The following GABRB2 variants were observed in gnomAD, a reference collection of about 807,000 sequenced individuals.
GABRB2 encodes the protein gamma-aminobutyric acid type A receptor subunit beta2, also known as gamma-aminobutyric acid receptor subunit beta-2.
A neutral mutation model predicts 54.7 loss-of-function variants in GABRB2; 16 were observed. That is an observed-to-expected ratio of 0.29 (90% confidence interval 0.20 to 0.44). GABRB2 has a LOEUF of 0.44. Among genes scored for constraint, GABRB2 ranks in the 20% least tolerant of loss-of-function variants. The pLI is 1.00. For missense variants in GABRB2, 355 were observed against 644.0 expected (o/e 0.55, Z 4.86); for synonymous variants, 244 against 233.8 (o/e 1.04, Z -0.40).
intron 5 of GABRB2, among the ~76,000 whole-genome samples, chr5:161,386,824 CAAAA>C (rs55916255): frequency 1.5e-5 from 2 of 137,054 alleles, no homozygotes; most frequent in African/African-American, 2.7e-5. Context: ...TGTGCCCAGC[CAAAA>C]AAAAAAAAAA....
At chr5:161,528,297 T>C (rs1333220723) in intron 3 of GABRB2, among the ~76,000 whole-genome samples, 1 of 151,790 alleles carries the variant, frequency 6.6e-6, no homozygotes, top group Admixed American at 6.6e-5. Flanking sequence ...GTGATGACAC[T>C]GAGATCTTCA....
intron 3 of GABRB2, among the ~76,000 whole-genome samples, chr5:161,542,247 T>C (rs574889300): frequency 6.6e-6 from 1 of 152,238 alleles, no homozygotes; most frequent in East Asian, 1.9e-4. Context: ...ATTTGAAATA[T>C]TGTGATAATT....
intron 8 of GABRB2, 35 bp from the exon 9 acceptor site, chr5:161,326,516 C>A: frequency 6.2e-7 from 1 of 1,602,306 alleles, no homozygotes; most frequent in South Asian, 1.1e-5. Context: ...CTAATTAAGT[C>A]GATTGATGCT....
rs1463762956 is a variant in GABRB2, at chr5:161,290,227, A to G, written c.*3854T>C. The G allele has an allele frequency of 6.6e-6, 1 of 152,286 alleles. No homozygotes were observed. Among genetic ancestry groups the G allele is most frequent in the Non-Finnish European group, 1.5e-5 (1 of 67,980 alleles). The allele number at this position is 152,286 out of a possible 1,614,324, so 9.4% of individuals were successfully genotyped here. ...TTGTGAATACTTAGTATTTTGCCCTAACCAACATGGTGGGGTTTAGTTTTT... is the reference window on the plus strand; with the variant it reads ...TTGTGAATACTTAGTATTTTGCCCTGACCAACATGGTGGGGTTTAGTTTTT... On this transcript the variant is annotated 3_prime_UTR_variant, in exon 10 of 10. Coordinates refer to ENST00000393959, the MANE Select transcript of GABRB2 (RefSeq NM_001371727.1).
At chr5:161,405,183 C>T (rs1013241610) in intron 5 of GABRB2, among the ~76,000 whole-genome samples, 1 of 152,022 alleles carries the variant, frequency 6.6e-6, no homozygotes, top group African/African-American at 2.4e-5. Flanking sequence ...CCTCAGTGTT[C>T]CTTCCTCAGG....
chr5:161,324,253 A>T (rs1758300655), intron 9 of GABRB2, among the ~76,000 whole-genome samples: 2 of 152,168 alleles, frequency 1.3e-5, no homozygotes, highest in Non-Finnish European at 2.9e-5. Flanking sequence ...GATAATGATT[A>T]TATCTGTGTG....
intron 5 of GABRB2, among the ~76,000 whole-genome samples, chr5:161,393,627 T>C (rs1406713939): frequency 6.6e-6 from 1 of 152,050 alleles, no homozygotes; most frequent in African/African-American, 2.4e-5. Flanking sequence ...TCCTATAAAA[T>C]GCACTTTGAG....
chr5:161,311,171 G>T (rs1224439467), intron 9 of GABRB2, among the ~76,000 whole-genome samples: 1 of 152,082 alleles, frequency 6.6e-6, no homozygotes, highest in Non-Finnish European at 1.5e-5. Flanking sequence ...GAATATATTT[G>T]ACATACCAGG....
At chr5:161,492,273 C>T (rs1015164420) in intron 3 of GABRB2, among the ~76,000 whole-genome samples, 3 of 151,748 alleles carry the variant, frequency 2.0e-5, no homozygotes, top group Admixed American at 6.6e-5. Flanking sequence ...TATCATTGGA[C>T]GTTATCGTTT....
At chr5:161,526,560 AAAG>A (rs1308481859) in intron 3 of GABRB2, among the ~76,000 whole-genome samples, 2 of 151,204 alleles carry the variant, frequency 1.3e-5, no homozygotes, top group African/African-American at 4.8e-5. Flanking sequence ...TACTACATTC[AAAG>A]AAGTTTTTTT....
chr5:161,368,939 T>C (rs778520677), intron 5 of GABRB2, among the ~76,000 whole-genome samples: 1 of 152,204 alleles, frequency 6.6e-6, no homozygotes, highest in African/African-American at 2.4e-5. Flanking sequence ...TGTTTGATGG[T>C]ATAATGTAGG....
intron 4 of GABRB2, among the ~76,000 whole-genome samples, chr5:161,456,008 T>A (rs1757943789): frequency 6.6e-6 from 1 of 152,220 alleles, no homozygotes; most frequent in Non-Finnish European, 1.5e-5. Flanking sequence ...ACTCAGATAC[T>A]GTAAATGACT....
chr5:161,446,942 T>C (rs768253241), intron 4 of GABRB2, among the ~76,000 whole-genome samples: 2 of 151,504 alleles, frequency 1.3e-5, no homozygotes, highest in African/African-American at 4.8e-5. Context: ...TGATACATAA[T>C]AAGAATTTAC....
chr5:161,294,662 A>T (rs531505143), intron 9 of GABRB2, among the ~76,000 whole-genome samples: 1 of 152,310 alleles, frequency 6.6e-6, no homozygotes, highest in East Asian at 1.9e-4. Flanking sequence ...TGCTGTAATG[A>T]TGTAATTATA....
At chr5:161,399,421 T>C (rs570788798) in intron 5 of GABRB2, among the ~76,000 whole-genome samples, 36 of 152,190 alleles carry the variant, frequency 2.4e-4, no homozygotes, top group Non-Finnish European at 4.7e-4. Context: ...AGGACTGGGT[T>C]GAATGGAGAG....
At chr5:161,365,676 A>G (rs998617248) in intron 5 of GABRB2, among the ~76,000 whole-genome samples, 1 of 152,184 alleles carries the variant, frequency 6.6e-6, no homozygotes, top group African/African-American at 2.4e-5. Flanking sequence ...GGAGAGGTTA[A>G]GATATCTGCT....
intron 5 of GABRB2, among the ~76,000 whole-genome samples, chr5:161,369,652 G>T (rs185635849): frequency 2.6e-5 from 4 of 151,998 alleles, no homozygotes; most frequent in African/African-American, 9.7e-5. Context: ...ATGCTTGGGG[G>T]AATGTTTTTT....
chr5:161,343,261 A>G (rs1026720641), intron 5 of GABRB2, among the ~76,000 whole-genome samples: 3 of 151,898 alleles, frequency 2.0e-5, no homozygotes, highest in African/African-American at 7.3e-5. Context: ...CAAGTAGCTC[A>G]AAATAATCGA....
intron 9 of GABRB2, among the ~76,000 whole-genome samples, chr5:161,323,115 C>T (rs1356947279): frequency 1.3e-5 from 2 of 151,872 alleles, no homozygotes; most frequent in Non-Finnish European, 2.9e-5. Context: ...ACCTCCACCC[C>T]ATGAGTTCAA....
Sources: allele counts gnomAD v4.1 joint callset (sites outside exome capture counted in the v4.1 genomes callset), GRCh38; gene constraint gnomAD v4.1.1; transcripts MANE v1.5; gene names NCBI Gene and HGNC (gene_info 2026-07-23, HGNC 2026-07-21).